PTPRN2: variants seen among roughly 807,000 people sequenced by gnomAD.
PTPRN2 encodes receptor-type tyrosine-protein phosphatase N2.
Under a neutral mutation model 118.8 loss-of-function variants are expected in PTPRN2, and 74 were observed. That is an observed-to-expected ratio of 0.62 (90% CI 0.52 to 0.76). The LOEUF is 0.76. PTPRN2 is among the 30% of genes least tolerant of loss of function. The probability of loss-of-function intolerance (pLI) is 0.00; values close to 1 mark genes in which losing one functional copy is unlikely to be tolerated. For missense variants in PTPRN2, 1,481 were observed against 1,394.4 expected (o/e 1.06, Z -0.99); for synonymous variants, 641 against 608.0 (o/e 1.05, Z -0.80).
At chr7:158,019,619 T>C (rs1806715048) in intron 11 of PTPRN2, among the ~76,000 whole-genome samples, 1 of 152,228 alleles carries the variant, frequency 6.6e-6, no homozygotes, top group African/African-American at 2.4e-5. Flanking sequence ...ATCAGCAGGA[T>C]TTTTTGAGGT....
intron 11 of PTPRN2, among the ~76,000 whole-genome samples, chr7:158,010,029 C>CTCACTTCCAGCCACT (rs1805927746): frequency 6.6e-6 from 1 of 152,160 alleles, no homozygotes; most frequent in African/African-American, 2.4e-5. Flanking sequence ...GACCCTCCAC[C>CTCACTTCCAGCCACT]CTCACTTCCA....
At position 157,987,143 on chromosome 7, in the gene PTPRN2, C is replaced by T. The variant is rs775747886; in HGVS notation, c.1724-88406G>A. Among the ~76,000 whole-genome samples the T allele has an allele frequency of 1.7e-4, 26 of 152,160 alleles. No homozygotes were observed. The highest frequency in any genetic ancestry group is 2.6e-4 in the Admixed American group (4 of 15,280). On this transcript the variant is annotated intron_variant, in intron 11 of 22. Coordinates refer to ENST00000389418, the MANE Select transcript of PTPRN2 (RefSeq NM_002847.5). The surrounding 1 kb of genome is among the most constrained non-coding windows in gnomAD (Gnocchi z 4.3). ...ATGAAACAGCTGCACTGCCCCAGCACGCCGCCCACGCTTGGTCGGCAACAC... is the reference window on the plus strand; with the variant it reads ...ATGAAACAGCTGCACTGCCCCAGCATGCCGCCCACGCTTGGTCGGCAACAC...
At chr7:158,540,471 G>A (rs926369679) in intron 1 of PTPRN2, among the ~76,000 whole-genome samples, 16 of 152,110 alleles carry the variant, frequency 1.1e-4, no homozygotes, top group Non-Finnish European at 1.2e-4. Flanking sequence ...GCTGGGTCTC[G>A]GGGGGCAATG....
chr7:158,081,909 C>T (rs1399827908), intron 10 of PTPRN2, among the ~76,000 whole-genome samples: 3 of 152,176 alleles, frequency 2.0e-5, no homozygotes, highest in Non-Finnish European at 4.4e-5. Context: ...GCTATGTCAA[C>T]CACAATTTTG....
intron 11 of PTPRN2, among the ~76,000 whole-genome samples, chr7:157,989,223 G>T (rs1341115022): frequency 2.6e-5 from 4 of 152,102 alleles, no homozygotes; most frequent in African/African-American, 9.7e-5. Context: ...TTTGAGACCA[G>T]CCTGGGCAAC....
chr7:158,384,854 C>A (rs1012170545), intron 2 of PTPRN2, among the ~76,000 whole-genome samples: 1 of 152,158 alleles, frequency 6.6e-6, no homozygotes, highest in Non-Finnish European at 1.5e-5. Context: ...GAGGGCCGAC[C>A]AAACACAGAT....
At chr7:158,309,323 C>T (rs1302349422) in intron 3 of PTPRN2, among the ~76,000 whole-genome samples, 1 of 152,242 alleles carries the variant, frequency 6.6e-6, no homozygotes, top group African/African-American at 2.4e-5. Context: ...GGCAGAAGAA[C>T]ACAAAAGTAG....
intron 10 of PTPRN2, among the ~76,000 whole-genome samples, chr7:158,099,077 TCCCGG>T (rs1814961471): frequency 1.5e-4 from 1 of 6,666 alleles, no homozygotes. Flanking sequence ...TCCCCCAACA[TCCCGG>T]CTGCCTCCCC....
At chr7:158,150,461 G>A (rs1381665128) in intron 6 of PTPRN2, among the ~76,000 whole-genome samples, 1 of 152,150 alleles carries the variant, frequency 6.6e-6, no homozygotes, top group Non-Finnish European at 1.5e-5. Context: ...CACTGACGCA[G>A]CAGGCGGATG....
chr7:158,435,818 G>A (rs1477978416), intron 2 of PTPRN2, among the ~76,000 whole-genome samples: 3 of 152,190 alleles, frequency 2.0e-5, no homozygotes, highest in Non-Finnish European at 4.4e-5. Flanking sequence ...AAGTAATCCA[G>A]GCACAGAAAA....
At chr7:158,337,055 T>C (rs1246011689) in intron 2 of PTPRN2, among the ~76,000 whole-genome samples, 5 of 133,142 alleles carry the variant, frequency 3.8e-5, no homozygotes, top group African/African-American at 1.1e-4. Context: ...ACCCACACTG[T>C]CACCATAAGA....
chr7:158,546,696 C>T lies in PTPRN2; in HGVS notation c.112+40862G>A, dbSNP rs931368250. The stretch of plus-strand genomic sequence containing the variant: ...CTCTGAGGGTCTTAGGCAGAGCTGG[C>T]CATGCTTGCCTTGGTGAAGACCCCA... On this transcript the variant is annotated intron_variant, in intron 1 of 22. Coordinates refer to ENST00000389418, the MANE Select transcript of PTPRN2 (RefSeq NM_002847.5). The surrounding 1 kb of genome is among the most constrained non-coding windows in gnomAD (Gnocchi z 5.0). Among the ~76,000 whole-genome samples the T allele has an allele frequency of 1.3e-5, 2 of 152,216 alleles. No individual in the cohort carries two copies. The highest frequency in any genetic ancestry group is 2.1e-4 in the South Asian group (1 of 4,832).
chr7:157,778,352 T>G (rs558731193), intron 12 of PTPRN2, among the ~76,000 whole-genome samples: 3 of 149,430 alleles, frequency 2.0e-5, no homozygotes, highest in African/African-American at 7.5e-5. Context: ...GTGATTACAG[T>G]TGTTGAATGC....
intron 16 of PTPRN2, among the ~76,000 whole-genome samples, chr7:157,597,572 A>G (rs1164533029): frequency 6.6e-6 from 1 of 152,168 alleles, no homozygotes; most frequent in African/African-American, 2.4e-5. Context: ...TGCTTTCAAA[A>G]TGAGAAATAG....
chr7:157,806,382 A>T (rs908871530), intron 12 of PTPRN2, among the ~76,000 whole-genome samples: 1 of 152,200 alleles, frequency 6.6e-6, no homozygotes, highest in African/African-American at 2.4e-5. Flanking sequence ...GTATTCATGC[A>T]TGTGTACAAA....
intron 12 of PTPRN2, among the ~76,000 whole-genome samples, chr7:157,722,176 G>A (rs1035922580): frequency 6.6e-6 from 1 of 152,218 alleles, no homozygotes; most frequent in Non-Finnish European, 1.5e-5. Flanking sequence ...CCCCACCTGC[G>A]AGGAGGCTCG....
chr7:157,742,740 C>T (rs555144856), intron 12 of PTPRN2, among the ~76,000 whole-genome samples: 1 of 152,292 alleles, frequency 6.6e-6, no homozygotes, highest in African/African-American at 2.4e-5. Context: ...CTCACATAAC[C>T]CCTTAACTGT....
chr7:158,021,648 G>C (rs1265140905), intron 11 of PTPRN2, among the ~76,000 whole-genome samples: 1 of 151,958 alleles, frequency 6.6e-6, no homozygotes, highest in East Asian at 1.9e-4. Context: ...AGCCAGCCCT[G>C]CCCACATCCT....
intron 11 of PTPRN2, among the ~76,000 whole-genome samples, chr7:158,071,455 T>TGA (rs1563391445): frequency 9.7e-5 from 7 of 72,478 alleles, no homozygotes; most frequent in Admixed American, 2.8e-4. Flanking sequence ...GTGCTCGTGG[T>TGA]TGAGGTGCTC....
Sources: gnomAD v4.1 joint callset for allele counts (sites outside exome capture counted in the v4.1 genomes callset) on GRCh38, gnomAD v4.1.1 for gene constraint, Gnocchi (gnomAD v3.1) non-coding constraint, MANE v1.5 for transcripts, NCBI Gene and HGNC (gene_info 2026-07-23, HGNC 2026-07-21) for gene names.